SLC24A4: variants seen among roughly 807,000 people sequenced by gnomAD.
SLC24A4 encodes sodium/potassium/calcium exchanger 4.
A neutral mutation model predicts 79.0 loss-of-function variants in SLC24A4; 53 were observed. The observed-to-expected ratio is 0.67, with a 90% CI of 0.54 to 0.84. The LOEUF (loss-of-function observed/expected upper bound fraction) is 0.84, where lower values mean the gene tolerates loss of function less well. Ranked by LOEUF, SLC24A4 falls within the 40% of genes least tolerant of loss-of-function variation. SLC24A4 has a pLI of 0.00. For synonymous variants in SLC24A4, 323 were observed against 323.8 expected, an observed-to-expected ratio of 1.00 and a Z score of 0.03; for missense variants, 731 against 822.0, an observed-to-expected ratio of 0.89 and a Z score of 1.35.
At chr14:92,434,994 G>A (rs1442567474) in intron 3 of SLC24A4, among the ~76,000 whole-genome samples, 1 of 152,030 alleles carries the variant, frequency 6.6e-6, no homozygotes, top group East Asian at 1.9e-4. Flanking sequence ...GGCTGGTCTC[G>A]AACTCCTGAC....
chr14:92,352,277 T>C (rs912064673), intron 2 of SLC24A4, among the ~76,000 whole-genome samples: 3 of 152,084 alleles, frequency 2.0e-5, no homozygotes, highest in Admixed American at 6.5e-5. Flanking sequence ...GATGTTTAAC[T>C]TGAGATACAT....
intron 2 of SLC24A4, among the ~76,000 whole-genome samples, chr14:92,385,307 C>G (rs1197095706): frequency 1.3e-5 from 2 of 152,014 alleles, no homozygotes; most frequent in Admixed American, 1.3e-4. Flanking sequence ...GAGATCGATA[C>G]CATCCTGGCC....
At chr14:92,412,023 G>A (rs985948621) in intron 2 of SLC24A4, among the ~76,000 whole-genome samples, 1 of 152,104 alleles carries the variant, frequency 6.6e-6, no homozygotes, top group African/African-American at 2.4e-5. Context: ...GGCCCGCTGT[G>A]GGCATGGCGG....
chr14:92,416,787 T>C (rs144538793), intron 2 of SLC24A4, among the ~76,000 whole-genome samples: 2 of 152,220 alleles, frequency 1.3e-5, no homozygotes, highest in Non-Finnish European at 2.9e-5. Flanking sequence ...GGTGACTCTT[T>C]AGTGGAAATG....
chr14:92,383,368 A>G (rs890430861), intron 2 of SLC24A4, among the ~76,000 whole-genome samples: 3 of 152,056 alleles, frequency 2.0e-5, no homozygotes, highest in Non-Finnish European at 4.4e-5. Flanking sequence ...AGGCCACACA[A>G]GCGCTCACAG....
chr14:92,387,318 A>G (rs1273799255), intron 2 of SLC24A4, among the ~76,000 whole-genome samples: 1 of 151,898 alleles, frequency 6.6e-6, no homozygotes, highest in African/African-American at 2.4e-5. Flanking sequence ...CTGGGATTAC[A>G]GGCACCCACC....
chr14:92,427,122 G>A (rs763391577), intron 2 of SLC24A4, among the ~76,000 whole-genome samples: 3 of 152,230 alleles, frequency 2.0e-5, no homozygotes, highest in Non-Finnish European at 4.4e-5. Context: ...GTAAGACTTG[G>A]TGTGCAGCAT....
intron 2 of SLC24A4, among the ~76,000 whole-genome samples, chr14:92,392,616 T>C (rs902777763): frequency 6.6e-6 from 1 of 151,944 alleles, no homozygotes; most frequent in Non-Finnish European, 1.5e-5. Context: ...GGTCTTGGAG[T>C]GTGGGGCGGG....
chr14:92,425,377 A>G (rs1183239633), intron 2 of SLC24A4, among the ~76,000 whole-genome samples: 1 of 152,224 alleles, frequency 6.6e-6, no homozygotes, highest in Non-Finnish European at 1.5e-5. Context: ...GAGGGACACT[A>G]TTCACCTCAC....
chr14:92,360,324 CT>C (rs1366242873), intron 2 of SLC24A4, among the ~76,000 whole-genome samples: 1 of 152,134 alleles, frequency 6.6e-6, no homozygotes, highest in Non-Finnish European at 1.5e-5. Context: ...TGGCCTCCAA[CT>C]CCTAGGCTCA....
intron 2 of SLC24A4, among the ~76,000 whole-genome samples, chr14:92,386,999 T>C (rs1889193300): frequency 2.0e-5 from 3 of 152,062 alleles, no homozygotes; most frequent in African/African-American, 7.2e-5. Context: ...GCTCTCACCC[T>C]CACCCCTTGT....
chr14:92,451,057 TG>T (rs1226498902), intron 10 of SLC24A4: 6 of 152,230 alleles, frequency 3.9e-5, no homozygotes, highest in Non-Finnish European at 7.3e-5. Flanking sequence ...TCTGGAAAAC[TG>T]GAAGACTGGA....
intron 2 of SLC24A4, among the ~76,000 whole-genome samples, chr14:92,381,593 AACTTAAAG>A (rs1160828039): frequency 6.6e-6 from 1 of 152,196 alleles, no homozygotes; most frequent in African/African-American, 2.4e-5. Context: ...TGTATCCTAG[AACTTAAAG>A]TACAATTTAA....
At chr14:92,445,624 G>A (rs1892756716) in intron 8 of SLC24A4, among the ~76,000 whole-genome samples, 1 of 152,160 alleles carries the variant, frequency 6.6e-6, no homozygotes, top group Non-Finnish European at 1.5e-5. Flanking sequence ...GATATGCATA[G>A]GCCAATATGG....
chr14:92,474,866 T>A (rs866003060), intron 12 of SLC24A4, among the ~76,000 whole-genome samples: 2,709 of 112,868 alleles, frequency 0.024, 128 homozygotes, highest in East Asian at 0.15. Flanking sequence ...TATATATATT[T>A]TTTTTTTTTT....
chr14:92,475,800 A>G (rs921373197), intron 12 of SLC24A4, among the ~76,000 whole-genome samples: 5 of 152,232 alleles, frequency 3.3e-5, no homozygotes, highest in Non-Finnish European at 5.9e-5. Context: ...TCCTGGAGTA[A>G]TACTGAACTC....
At chr14:92,415,127 C>T (rs1313356615) in intron 2 of SLC24A4, among the ~76,000 whole-genome samples, 1 of 152,196 alleles carries the variant, frequency 6.6e-6, no homozygotes, top group Non-Finnish European at 1.5e-5. Flanking sequence ...CCATGGAGGC[C>T]TGGCCTTGTT....
At chr14:92,448,693 C>A (rs1329730715) in intron 9 of SLC24A4, among the ~76,000 whole-genome samples, 1 of 152,118 alleles carries the variant, frequency 6.6e-6, no homozygotes, top group Non-Finnish European at 1.5e-5. Flanking sequence ...ATCCTGGGAG[C>A]AAGATCTGCT....
At chr14:92,332,197 A>G (rs1024371721) in intron 2 of SLC24A4, among the ~76,000 whole-genome samples, 5 of 152,124 alleles carry the variant, frequency 3.3e-5, no homozygotes, top group Admixed American at 1.3e-4. Context: ...CAGGTGAATT[A>G]CTTGAACCCA....
Sources: gnomAD v4.1 joint callset for allele counts (sites outside exome capture counted in the v4.1 genomes callset) on GRCh38, gnomAD v4.1.1 for gene constraint, MANE v1.5 for transcripts, NCBI Gene and HGNC (gene_info 2026-07-23, HGNC 2026-07-21) for gene names.